PRDM6: variants seen among roughly 807,000 people sequenced by gnomAD.
PRDM6 encodes putative histone-lysine N-methyltransferase PRDM6.
In PRDM6, 25 loss-of-function variants were observed where a neutral mutation model predicts 60.8. That is an observed-to-expected ratio of 0.41 (90% CI 0.30 to 0.57). The LOEUF is 0.57. PRDM6 is among the 20% of genes least tolerant of loss of function. The pLI is 0.27. For missense variants in PRDM6, 839 were observed against 821.3 expected, an observed-to-expected ratio of 1.02 and a Z score of -0.26; for synonymous variants, 407 against 357.4, an observed-to-expected ratio of 1.14 and a Z score of -1.57.
At position 123,192,855 on chromosome 5, in the gene PRDM6, T is replaced by C. The variant is rs947855796; in HGVS notation, c.*5654T>C. Reference sequence around the variant, plus strand: ...TACGCAGTTGTGTGCATTAAGAATATGGGCTTATGTTGTTAGCCTGTTGGT... The same window carrying C: ...TACGCAGTTGTGTGCATTAAGAATACGGGCTTATGTTGTTAGCCTGTTGGT... On this transcript the variant is annotated 3_prime_UTR_variant, in exon 8 of 8. Coordinates refer to ENST00000407847, the MANE Select transcript of PRDM6 (RefSeq NM_001136239.4). The C allele has an allele frequency of 2.5e-4, 38 of 152,330 alleles. No homozygotes were observed. The highest frequency in any genetic ancestry group is 8.4e-4 in the African/African-American group (35 of 41,582). 9.4% of individuals were successfully genotyped at this position (152,330 alleles called of 1,614,324 possible).
At chr5:123,100,932 A>G (rs1373798336) in intron 3 of PRDM6, among the ~76,000 whole-genome samples, 1 of 152,212 alleles carries the variant, frequency 6.6e-6, no homozygotes, top group Non-Finnish European at 1.5e-5. Context: ...CAATATGTAA[A>G]TCTGACTAAC....
Position 123,090,164 on chromosome 5 carries a change from T to TC in PRDM6, c.151dup (p.Gln51ProfsTer13). On this transcript the variant is annotated frameshift_variant, in exon 2 of 8. Transcript: ENST00000407847. LOFTEE classifies it high-confidence loss of function. ...GTCTCCTGAGCGCGCCGCAGCCTCT[T>TC]CAGCCGCCGCCGCCGCCCCCGCCCC... 1 of 1,496,222 alleles carries TC rather than the reference T, an allele frequency of 6.7e-7. No homozygotes were observed. Among genetic ancestry groups the TC allele is most frequent in the Non-Finnish European group, 8.9e-7 (1 of 1,124,600 alleles). The allele number at this position is 1,496,222 out of a possible 1,614,324, so 92.7% of individuals were successfully genotyped here. A position where few individuals can be genotyped will look rare whatever the true frequency, so the allele number is the denominator to read the frequency against.
intron 3 of PRDM6, among the ~76,000 whole-genome samples, chr5:123,109,702 G>A (rs1222464466): frequency 1.3e-5 from 2 of 152,170 alleles, no homozygotes; most frequent in Non-Finnish European, 2.9e-5. Flanking sequence ...AGGGCAACAA[G>A]GATGACTACA....
Position 123,192,449 on chromosome 5 carries a change from T to C in PRDM6, c.*5248T>C, listed in dbSNP as rs1205820964. On this transcript the variant is annotated 3_prime_UTR_variant, in exon 8 of 8. Coordinates refer to ENST00000407847, the MANE Select transcript of PRDM6 (RefSeq NM_001136239.4). ...ACACAAGTATAATTTATTTATAAAA[T>C]GTGTTTGTGGAAACAATACTGAAGT... The C allele has an allele frequency of 6.6e-6, 1 of 152,152 alleles. No individual in the cohort carries two copies. Among genetic ancestry groups the C allele is most frequent in the Non-Finnish European group, 1.5e-5 (1 of 68,018 alleles). The allele number at this position is 152,152 out of a possible 1,614,324, so 9.4% of individuals were successfully genotyped here. A position where few individuals can be genotyped will look rare whatever the true frequency, so the allele number is the denominator to read the frequency against.
At position 123,166,904 on chromosome 5, in the gene PRDM6, G is replaced by C. The variant is rs145446803; in HGVS notation, c.1154-3862G>C. ...GTTTCCAGACTGAAGAGATTGACTAGCTCAATATTGCTTCTTGCAGAAACC... is the reference window on the plus strand; with the variant it reads ...GTTTCCAGACTGAAGAGATTGACTACCTCAATATTGCTTCTTGCAGAAACC... On this transcript the variant is annotated intron_variant, in intron 5 of 7. Transcript: ENST00000407847. 4.6e-3 allele frequency among the ~76,000 whole-genome samples: 694 copies of C among 152,240 alleles called. 5 individuals carry two copies. Among genetic ancestry groups the C allele is most frequent in the Middle Eastern group, 0.041 (12 of 294 alleles).
At chr5:123,136,338 T>C (rs1764949760) in intron 3 of PRDM6, among the ~76,000 whole-genome samples, 1 of 152,160 alleles carries the variant, frequency 6.6e-6, no homozygotes, top group Non-Finnish European at 1.5e-5. Context: ...CGTTTTAATG[T>C]GTTTATAGGG....
intron 3 of PRDM6, among the ~76,000 whole-genome samples, chr5:123,118,625 A>G (rs986277300): frequency 6.6e-6 from 1 of 152,226 alleles, no homozygotes; most frequent in African/African-American, 2.4e-5. Flanking sequence ...CAAAGCACAG[A>G]CTGTCTTACA....
At chr5:123,121,152 T>G (rs1443648074) in intron 3 of PRDM6, among the ~76,000 whole-genome samples, 3 of 152,206 alleles carry the variant, frequency 2.0e-5, no homozygotes, top group Non-Finnish European at 2.9e-5. Context: ...TTTTGCACAC[T>G]TAAAACGGAG....
At chr5:123,167,885 G>A (rs1765793160) in intron 5 of PRDM6, among the ~76,000 whole-genome samples, 1 of 152,112 alleles carries the variant, frequency 6.6e-6, no homozygotes, top group Non-Finnish European at 1.5e-5. Context: ...ATTACTTCCT[G>A]TTAGTTTGAA....
At chr5:123,155,231 AT>A (rs893671361) in intron 3 of PRDM6, among the ~76,000 whole-genome samples, 9 of 124,766 alleles carry the variant, frequency 7.2e-5, no homozygotes, top group Non-Finnish European at 1.4e-4. Context: ...GGAGACAGCC[AT>A]TTTTTTTCTT....
At chr5:123,125,143 G>A (rs1464415698) in intron 3 of PRDM6, among the ~76,000 whole-genome samples, 4 of 14,610 alleles carry the variant, frequency 2.7e-4, no homozygotes, top group African/African-American at 2.2e-4. Context: ...ATTACATACC[G>A]CACCCCCTCC....
At chr5:123,152,176 T>C (rs1765383532) in intron 3 of PRDM6, among the ~76,000 whole-genome samples, 2 of 152,166 alleles carry the variant, frequency 1.3e-5, no homozygotes, top group African/African-American at 4.8e-5. Flanking sequence ...CCAGCTGTAA[T>C]GGACTGATTT....
chr5:123,115,997 C>G (rs1205785905), intron 3 of PRDM6, among the ~76,000 whole-genome samples: 1 of 152,176 alleles, frequency 6.6e-6, no homozygotes, highest in East Asian at 1.9e-4. Flanking sequence ...TAACAGTGAT[C>G]ATTTTTGTTG....
At chr5:123,109,982 T>C (rs1052353268) in intron 3 of PRDM6, among the ~76,000 whole-genome samples, 2 of 152,190 alleles carry the variant, frequency 1.3e-5, no homozygotes, top group African/African-American at 4.8e-5. Context: ...GACCTGTCCA[T>C]AAATATTAAA....
In PRDM6 at chr5:123,188,688, T is replaced by TTCCCA. The variant is rs1236217459; in HGVS notation, c.*1489_*1493dup. 6.6e-6 allele frequency: 1 copy of TTCCCA among 152,174 alleles called. No individual in the cohort carries two copies. The allele number at this position is 152,174 out of a possible 1,614,324, so 9.4% of individuals were successfully genotyped here. On this transcript the variant is annotated 3_prime_UTR_variant, in exon 8 of 8. Transcript: ENST00000407847. ...TTAAGGAACTCCTTGTCTTTGAGCT[T>TTCCCA]TCCCATTGTCTTCCCTCAATAAAAA...
intron 1 of PRDM6, 126 bp downstream of exon 1, chr5:123,089,645 G>A: frequency 4.3e-6 from 1 of 235,006 alleles, no homozygotes; most frequent in Non-Finnish European, 8.2e-6. Flanking sequence ...ACGCGGCTCG[G>A]GCGCTGCGCC....
intron 3 of PRDM6, among the ~76,000 whole-genome samples, chr5:123,142,953 C>T (rs1278258037): frequency 4.1e-5 from 6 of 147,216 alleles, no homozygotes; most frequent in African/African-American, 1.3e-4. Flanking sequence ...ATTTCTAGCT[C>T]AGGAAAGGAG....
Position 123,091,141 on chromosome 5 carries a change from G to C in PRDM6, c.592+535G>C, listed in dbSNP as rs540733999. ...GTGGGGGAACCGGCGGGAGCTGTTCGCTGGCCAGGCCTCACTGGAGTAGGA... is the reference window on the plus strand; with the variant it reads ...GTGGGGGAACCGGCGGGAGCTGTTCCCTGGCCAGGCCTCACTGGAGTAGGA... On this transcript the variant is annotated intron_variant, in intron 2 of 7. Coordinates refer to ENST00000407847, the MANE Select transcript of PRDM6 (RefSeq NM_001136239.4). Among the ~76,000 whole-genome samples the C allele has an allele frequency of 2.8e-4, 42 of 152,244 alleles. No individual in the cohort carries two copies. The East Asian group carries it at 8.0e-3, about 29-fold the overall frequency.
chr5:123,185,114 C>A (rs1766254804), intron 7 of PRDM6, among the ~76,000 whole-genome samples: 1 of 152,136 alleles, frequency 6.6e-6, no homozygotes, highest in Non-Finnish European at 1.5e-5. Context: ...CTTAGTGTCT[C>A]CATCCAATCT....
Sources: gnomAD v4.1 joint callset for allele counts (sites outside exome capture counted in the v4.1 genomes callset) on GRCh38, gnomAD v4.1.1 for gene constraint, MANE v1.5 for transcripts, NCBI Gene and HGNC (gene_info 2026-07-23, HGNC 2026-07-21) for gene names.